Variants in DPP8 observed in about 807,000 individuals in gnomAD.
DPP8 encodes the protein dipeptidyl peptidase 8.
In DPP8, 31 loss-of-function variants were observed where a neutral mutation model predicts 107.5. The observed-to-expected ratio is 0.29, with a 90% CI of 0.22 to 0.39. DPP8 has a LOEUF of 0.39. DPP8 is among the 10% of genes least tolerant of loss of function. DPP8 has a pLI of 1.00. For synonymous variants in DPP8, 381 were observed against 356.6 expected (o/e 1.07, Z -0.77); for missense variants, 842 against 1,076.1 (o/e 0.78, Z 3.04).
At chr15:65,448,865 AATATATATATATAT>A (rs58549410) in intron 19 of DPP8, among the ~76,000 whole-genome samples, 3,156 of 53,260 alleles carry the variant, frequency 0.059, 542 homozygotes, top group African/African-American at 0.18. Flanking sequence ...ATATATCTAA[AATATATATATATAT>A]ATATATATAT....
chr15:65,450,681 C>G, intron 19 of DPP8: 1 of 181,064 alleles, frequency 5.5e-6, no homozygotes, highest in Non-Finnish European at 1.1e-5. Context: ...AATAGCACAT[C>G]CTCACCCTTC....
Position 65,455,749 on chromosome 15 carries a change from C to T in DPP8, c.2118+476G>A, listed in dbSNP as rs1204783799. On this transcript the variant is annotated intron_variant, in intron 16 of 19. Transcript: ENST00000300141. ...ATAACACTGGCAAACACAGTAACTGCCTTACTGTGCAAAAGGAACATCGGA... is the reference window on the plus strand; with the variant it reads ...ATAACACTGGCAAACACAGTAACTGTCTTACTGTGCAAAAGGAACATCGGA... 3.1e-6 allele frequency: 4 copies of T among 1,280,000 alleles called. No individual in the cohort carries two copies. The African/African-American group carries it at 6.1e-5, about 20-fold the overall frequency. The allele number at this position is 1,280,000 out of a possible 1,614,324, so 79.3% of individuals were successfully genotyped here.
chr15:65,501,125 C>T (rs1352988520), intron 3 of DPP8, among the ~76,000 whole-genome samples: 10 of 152,060 alleles, frequency 6.6e-5, no homozygotes, highest in Admixed American at 6.5e-4. Context: ...GATCCGCCTG[C>T]CTCGGCCTCC....
At chr15:65,490,570 G>C (rs1596035186) in intron 5 of DPP8, among the ~76,000 whole-genome samples, 3 of 152,200 alleles carry the variant, frequency 2.0e-5, no homozygotes, top group Middle Eastern at 6.8e-3. Context: ...AAAGCACTTA[G>C]AACAAAGCCT....
At chr15:65,476,104 G>A (rs1294081178) in intron 11 of DPP8, among the ~76,000 whole-genome samples, 1 of 152,148 alleles carries the variant, frequency 6.6e-6, no homozygotes, top group East Asian at 1.9e-4. Flanking sequence ...AGCGGCCTAA[G>A]GAACAGCTTA....
At position 65,461,588 on chromosome 15, in the gene DPP8, T is replaced by A. The variant is rs943586146; in HGVS notation, c.1971+2173A>T. ...TGAGAGTGTCCTATGATTTTTCTCT[T>A]GAGTTGCTTTCTATTAAGCCTTTTT... On this transcript the variant is annotated intron_variant, in intron 15 of 19. Coordinates refer to ENST00000300141, the MANE Select transcript of DPP8 (RefSeq NM_130434.5). Among the ~76,000 whole-genome samples the A allele has an allele frequency of 2.1e-5, 3 of 142,172 alleles. No homozygotes were observed. The East Asian group carries it at 1.3e-3, about 60-fold the overall frequency. The allele number at this position is 142,172 out of a possible 152,430, so 93.3% of individuals were successfully genotyped here.
intron 14 of DPP8, among the ~76,000 whole-genome samples, chr15:65,466,124 T>G (rs2065328060): frequency 6.6e-6 from 1 of 152,154 alleles, no homozygotes; most frequent in African/African-American, 2.4e-5. Context: ...AGCTGACACC[T>G]TGACTATTTT....
chr15:65,463,400 G>C (rs2065078002), intron 15 of DPP8, among the ~76,000 whole-genome samples: 1 of 152,114 alleles, frequency 6.6e-6, no homozygotes, highest in Non-Finnish European at 1.5e-5. Flanking sequence ...AAATTAGCTG[G>C]GCATGGTGAT....
Position 65,446,910 on chromosome 15 carries a change from G to A in DPP8, c.2623C>T (p.Arg875Cys), listed in dbSNP as rs2063521419. The change falls in exon 20 of 20, where the codon CGT (arginine) becomes TGT (cysteine). Residue 875 changes from arginine (R) to cysteine (C), a missense_variant. Around this residue, in one of 2 missense-constraint regions of DPP8, gnomAD observed 179 missense variants for 318.0 expected, o/e 0.56. Coordinates refer to ENST00000300141, the MANE Select transcript of DPP8 (RefSeq NM_130434.5). ...LHYLQENLGS[R>C]IAALKVI ...TATATCACTTTTAGAGCAGCAATACGTGATCCAAGGTTTTCTTGAAGGTAG... is the reference window on the plus strand; with the variant it reads ...TATATCACTTTTAGAGCAGCAATACATGATCCAAGGTTTTCTTGAAGGTAG... The A allele has an allele frequency of 3.7e-6, 6 of 1,612,484 alleles. No homozygotes were observed. Among genetic ancestry groups the A allele is most frequent in the Non-Finnish European group, 5.1e-6 (6 of 1,179,282 alleles).
intron 2 of DPP8, among the ~76,000 whole-genome samples, chr15:65,510,303 C>A (rs901615073): frequency 1.6e-4 from 24 of 151,920 alleles, no homozygotes; most frequent in Non-Finnish European, 3.2e-4. Flanking sequence ...AAGACTGAGA[C>A]CCCGTCTCAA....
intron 3 of DPP8, among the ~76,000 whole-genome samples, chr15:65,505,289 A>T (rs571853782): frequency 1.4e-4 from 21 of 151,264 alleles, no homozygotes; most frequent in African/African-American, 4.6e-4. Context: ...CGGGAGGAGG[A>T]GCTTGCAGTG....
At chr15:65,500,358 C>T (rs1042537743) in intron 4 of DPP8, among the ~76,000 whole-genome samples, 5 of 151,546 alleles carry the variant, frequency 3.3e-5, no homozygotes, top group Middle Eastern at 3.4e-3. Flanking sequence ...GCAGAGGTTG[C>T]GGTGAGCCAA....
At chr15:65,466,926 A>T (rs958163514) in intron 13 of DPP8, 113 bp from the exon 14 acceptor site, 1 of 1,406,394 alleles carries the variant, frequency 7.1e-7, no homozygotes, top group Non-Finnish European at 9.7e-7. Context: ...ATTTATGTAC[A>T]TATACAATGT....
intron 13 of DPP8, 97 bp downstream of exon 13, chr15:65,466,974 A>AG (rs2065416880): frequency 1.3e-6 from 2 of 1,483,410 alleles, no homozygotes; most frequent in Non-Finnish European, 1.8e-6. Flanking sequence ...TTAGAGAATT[A>AG]GGCTTTTGCA....
intron 1 of DPP8, chr15:65,515,650 GCCTA>G: frequency 6.2e-7 from 1 of 1,613,386 alleles, no homozygotes; most frequent in Non-Finnish European, 8.5e-7. Context: ...TTTCCCTGGT[GCCTA>G]CCTGATTTTA....
At position 65,446,980 on chromosome 15, in the gene DPP8, T is replaced by C. The variant is rs750320894; in HGVS notation, c.2553A>G (p.Ile851Met). 4 of 1,611,510 alleles carry C rather than the reference T, an allele frequency of 2.5e-6. No individual in the cohort carries two copies. The Admixed American group carries it at 6.7e-5, about 27-fold the overall frequency. Residue 851 changes from isoleucine to methionine, a missense_variant, in exon 20 of 20, where the codon ATA becomes ATG. Physicochemically the swap from Ile to Met is conservative, Grantham distance 10 (BLOSUM62 1). Coordinates refer to ENST00000300141, the MANE Select transcript of DPP8 (RefSeq NM_130434.5). ...AATGTTCTCCCGATTCAGGAACTCT[T>C]ATGCTGTGTCTCTCCTGAGGATAGA... Reference protein sequence around the residue: ...LQIYPQERHSIRVPESGEHYE... With the variant: ...LQIYPQERHSMRVPESGEHYE...
At chr15:65,488,821 TGA>T (rs1476502394) in intron 6 of DPP8, among the ~76,000 whole-genome samples, 9 of 151,926 alleles carry the variant, frequency 5.9e-5, no homozygotes, top group Non-Finnish European at 1.2e-4. Flanking sequence ...TCTCAGAGAG[TGA>T]GATACTTGTG....
Position 65,456,315 on chromosome 15 carries a change from T to A in DPP8, c.2028A>T (p.Leu676=). 2 of 1,614,092 alleles carry A rather than the reference T, an allele frequency of 1.2e-6. No individual in the cohort carries two copies. Among genetic ancestry groups the A allele is most frequent in the Non-Finnish European group, 1.7e-6 (2 of 1,179,998 alleles). ...CTACAACCACATAACCTAGAGAGGCTAGGGTATTCAAGCGGAAATACTTGA... is the reference window on the plus strand; with the variant it reads ...CTACAACCACATAACCTAGAGAGGCAAGGGTATTCAAGCGGAAATACTTGA... The part of the protein sequence containing the change: ...KGVKYFRLNT[L]ASLGYVVVVI... The change falls in exon 16 of 20, where the codon CTA becomes CTT. Residue 676 remains leucine, a synonymous_variant. Transcript: ENST00000300141.
At chr15:65,457,218 G>A (rs1490539108) in intron 15 of DPP8, among the ~76,000 whole-genome samples, 5 of 152,138 alleles carry the variant, frequency 3.3e-5, no homozygotes, top group African/African-American at 1.2e-4. Flanking sequence ...GCTGGGCATG[G>A]TGGGGAGTGC....
Sources: gnomAD v4.1 joint callset for allele counts (sites outside exome capture counted in the v4.1 genomes callset) on GRCh38, gnomAD v4.1.1 for gene constraint, gnomAD v4.1.1 regional missense constraint, MANE v1.5 for transcripts, NCBI Gene and HGNC (gene_info 2026-07-23, HGNC 2026-07-21) for gene names.